LMAN1: variants seen among roughly 807,000 people sequenced by gnomAD.
The protein encoded by LMAN1 is lectin, mannose binding 1.
A neutral mutation model predicts 67.8 loss-of-function variants in LMAN1; 32 were observed. The ratio of observed to expected loss-of-function variants is 0.47; its 90% CI spans 0.36 to 0.63. LMAN1 has a LOEUF of 0.63. Among genes scored for constraint, LMAN1 ranks in the 30% least tolerant of loss-of-function variants. The pLI, the probability that LMAN1 is intolerant of heterozygous loss-of-function variation, is 0.00. For synonymous variants in LMAN1, 235 were observed against 219.3 expected, an observed-to-expected ratio of 1.07 and a Z score of -0.63; for missense variants, 632 against 628.2, an observed-to-expected ratio of 1.01 and a Z score of -0.06.
chr18:59,338,019 A>G (rs1478791796), intron 10 of LMAN1, among the ~76,000 whole-genome samples: 1 of 152,178 alleles, frequency 6.6e-6, no homozygotes, highest in African/African-American at 2.4e-5. Flanking sequence ...TTAGAAATTT[A>G]TTGTTCAACA....
rs761571239 is a variant in LMAN1 at position 59,333,086 on chromosome 18, G to A, written c.1374+5C>T. On this transcript the variant is annotated splice_donor_5th_base_variant and intron_variant, in intron 11 of 12. Transcript: ENST00000251047. ...AATTATAAAAGGAAAAGGAAACAAA[G>A]TTACCATATTTCGCTGCACTAAGTT... 1.9e-6 allele frequency: 3 copies of A among 1,610,924 alleles called. No individual in the cohort carries two copies. The highest frequency in any genetic ancestry group is 2.5e-6 in the Non-Finnish European group (3 of 1,177,358).
chr18:59,333,751 A>G (rs1397129945), intron 10 of LMAN1: 1 of 152,220 alleles, frequency 6.6e-6, no homozygotes. Flanking sequence ...CTGATTTCCT[A>G]CGAGTGCATT....
At chr18:59,355,804 T>C in intron 1 of LMAN1, 146 bp from the exon 2 acceptor site, 1 of 899,282 alleles carries the variant, frequency 1.1e-6, no homozygotes, top group Non-Finnish European at 1.7e-6. Context: ...CAGTTTTAAC[T>C]TTAAAAGTTT....
At chr18:59,339,650 T>A (rs12959735) in intron 8 of LMAN1, among the ~76,000 whole-genome samples, 13,763 of 152,202 alleles carry the variant, frequency 0.09, 743 homozygotes, top group Middle Eastern at 0.14. Context: ...CCACTGTTGA[T>A]AGCCTAGATA....
chr18:59,357,540 G>C (rs1348760819), intron 1 of LMAN1, among the ~76,000 whole-genome samples: 1 of 152,156 alleles, frequency 6.6e-6, no homozygotes. Context: ...CAAGAATAGA[G>C]ATACCTTGAT....
At chr18:59,348,619 G>A (rs1908473620) in intron 6 of LMAN1, among the ~76,000 whole-genome samples, 1 of 152,038 alleles carries the variant, frequency 6.6e-6, no homozygotes. Flanking sequence ...ACCTTATGTG[G>A]AAAAAAATGG....
At position 59,328,865 on chromosome 18, in the gene LMAN1, A is replaced by AT. The variant is rs1331742359; in HGVS notation, c.*2227dup. 2 of 152,250 alleles carry AT rather than the reference A, an allele frequency of 1.3e-5. No individual in the cohort carries two copies. Among genetic ancestry groups the AT allele is most frequent in the Non-Finnish European group, 2.9e-5 (2 of 68,044 alleles). 9.4% of individuals were successfully genotyped at this position (152,250 alleles called of 1,614,324 possible). On this transcript the variant is annotated 3_prime_UTR_variant, in exon 13 of 13. Transcript: ENST00000251047. The stretch of plus-strand genomic sequence containing the variant: ...ACAAATAGGTACATTAAATAAGGAT[A>AT]TAAGCCATTACGCAATTGCATTTTC...
intron 1 of LMAN1, 125 bp from the exon 2 acceptor site, chr18:59,355,783 T>A: frequency 9.2e-7 from 1 of 1,082,624 alleles, no homozygotes; most frequent in Non-Finnish European, 1.4e-6. Context: ...TTGGAAAAAA[T>A]TTCATGTTGA....
At chr18:59,358,950 C>A (rs1908728924) in intron 1 of LMAN1, 81 bp downstream of exon 1, 1 of 1,425,408 alleles carries the variant, frequency 7.0e-7, no homozygotes, top group Non-Finnish European at 9.8e-7. Context: ...CCTCAGCACA[C>A]CAGGGTAGCC....
rs777278888 is a variant in LMAN1 at position 59,359,022 on chromosome 18, C to G, written c.214+9G>C. 16 of 1,613,540 alleles carry G rather than the reference C, an allele frequency of 9.9e-6. No homozygotes were observed. Among genetic ancestry groups the G allele is most frequent in the Non-Finnish European group, 1.4e-5 (16 of 1,179,814 alleles). ...GGAACCCGGCCCCCAGCCCTCTGCT[C>G]CGGCTTACTCCCCGCGTGGGCCCAG... On this transcript the variant is annotated intron_variant, in intron 1 of 12. Coordinates refer to ENST00000251047, the MANE Select transcript of LMAN1 (RefSeq NM_005570.4).
At chr18:59,340,062 A>C (rs770969389) in intron 8 of LMAN1, among the ~76,000 whole-genome samples, 1 of 152,122 alleles carries the variant, frequency 6.6e-6, no homozygotes, top group South Asian at 2.1e-4. Context: ...CACTCCTTAC[A>C]GCTTCTTGCT....
In LMAN1 at chr18:59,329,615, C is replaced by G. The variant is rs2070735462; in HGVS notation, c.*1478G>C. 1 of 152,142 alleles carries G rather than the reference C, an allele frequency of 6.6e-6. No individual in the cohort carries two copies. The highest frequency in any genetic ancestry group is 1.5e-5 in the Non-Finnish European group (1 of 67,970). The allele number at this position is 152,142 out of a possible 1,614,324, so 9.4% of individuals were successfully genotyped here. A position where few individuals can be genotyped will look rare whatever the true frequency, so the allele number is the denominator to read the frequency against. On this transcript the variant is annotated 3_prime_UTR_variant, in exon 13 of 13. Transcript: ENST00000251047. The stretch of plus-strand genomic sequence containing the variant: ...TCTTTCAGTGTTCTAGGATAAATAT[C>G]AACATAAAAAGCAACGCCAGACTGT...
chr18:59,359,003 C>CG (rs750762626), intron 1 of LMAN1, 28 bp downstream of exon 1: 2 of 1,606,504 alleles, frequency 1.2e-6, no homozygotes, highest in South Asian at 2.2e-5. Flanking sequence ...GAGAGGAACC[C>CG]GGCCCCCAGC....
Position 59,355,656 on chromosome 18 carries a change from C to T in LMAN1, c.217G>A (p.Ala73Thr). The change falls in exon 2 of 13, where the codon GCT (alanine) becomes ACT (threonine). Residue 73 changes from alanine (A) to threonine (T), a missense_variant and splice_region_variant. Physicochemically the swap from Ala to Thr is moderately conservative, Grantham distance 58. Coordinates refer to ENST00000251047, the MANE Select transcript of LMAN1 (RefSeq NM_005570.4). ...TVPFWAHAGN[A>T]IPSSDQIRVA... ...CGAATTTGATCTGAACTTGGAATAG[C>T]ATCTAGAACAGAAATCAGGGGAAAA... The T allele has an allele frequency of 6.2e-7, 1 of 1,613,476 alleles. No homozygotes were observed. Among genetic ancestry groups the T allele is most frequent in the Admixed American group, 1.7e-5 (1 of 60,012 alleles).
chr18:59,340,822 A>C (rs1394518237), intron 8 of LMAN1, among the ~76,000 whole-genome samples: 1 of 152,218 alleles, frequency 6.6e-6, no homozygotes. Flanking sequence ...AGAATTTATA[A>C]GACAACTTGA....
At chr18:59,342,811 G>A (rs978440633) in intron 8 of LMAN1, among the ~76,000 whole-genome samples, 5 of 151,634 alleles carry the variant, frequency 3.3e-5, no homozygotes, top group African/African-American at 1.2e-4. Context: ...GAGCAATCAG[G>A]CAAGAGAAAA....
Position 59,334,083 on chromosome 18 carries a change from C to A in LMAN1, c.1221-839G>T, listed in dbSNP as rs115843446. Among the ~76,000 whole-genome samples the A allele has an allele frequency of 2.6e-3, 400 of 152,230 alleles. 1 individual carries two copies. The highest frequency in any genetic ancestry group is 9.1e-3 in the African/African-American group (378 of 41,548). ...GGGGCTAAGCTTTTCCACTTAAACT[C>A]AAATTAAGCATAACATTTTAATATA... is the stretch of plus-strand genomic sequence containing the variant. On this transcript the variant is annotated intron_variant, in intron 10 of 12. Transcript: ENST00000251047.
chr18:59,328,492 A>G lies in LMAN1; in HGVS notation c.*2601T>C, dbSNP rs2070726990. The G allele has an allele frequency of 6.6e-6, 1 of 152,248 alleles. No homozygotes were observed. The highest frequency in any genetic ancestry group is 1.5e-5 in the Non-Finnish European group (1 of 68,042). The allele number at this position is 152,248 out of a possible 1,614,324, so 9.4% of individuals were successfully genotyped here. A position where few individuals can be genotyped will look rare whatever the true frequency, so the allele number is the denominator to read the frequency against. ...AGTAAATTGTAGGTATAAAAGAATCAGTGCATATCTGTTAATGTCATTGAC... is the reference window on the plus strand; with the variant it reads ...AGTAAATTGTAGGTATAAAAGAATCGGTGCATATCTGTTAATGTCATTGAC... On this transcript the variant is annotated 3_prime_UTR_variant, in exon 13 of 13. Coordinates refer to ENST00000251047, the MANE Select transcript of LMAN1 (RefSeq NM_005570.4).
chr18:59,357,711 C>T (rs1908690715), intron 1 of LMAN1, among the ~76,000 whole-genome samples: 2 of 152,072 alleles, frequency 1.3e-5, no homozygotes, highest in Non-Finnish European at 2.9e-5. Context: ...AGAAATAGCG[C>T]TTCCTAAAAG....
Sources: allele counts gnomAD v4.1 joint callset (sites outside exome capture counted in the v4.1 genomes callset), GRCh38; gene constraint gnomAD v4.1.1; transcripts MANE v1.5; gene names NCBI Gene and HGNC (gene_info 2026-07-23, HGNC 2026-07-21).